PCDHGA1: variants seen among roughly 807,000 people sequenced by gnomAD.
PCDHGA1 encodes the protein protocadherin gamma-A1.
In PCDHGA1, 32 loss-of-function variants were observed where a neutral mutation model predicts 58.0. The observed-to-expected ratio is 0.55, with a 90% CI of 0.42 to 0.74. The LOEUF (loss-of-function observed/expected upper bound fraction) is 0.74. Among genes scored for constraint, PCDHGA1 ranks in the 30% least tolerant of loss-of-function variants. PCDHGA1 has a pLI of 0.00. For missense variants in PCDHGA1, 1,205 were observed against 1,182.3 expected, an observed-to-expected ratio of 1.02 and a Z score of -0.28; for synonymous variants, 498 against 501.1, an observed-to-expected ratio of 0.99 and a Z score of 0.08.
intron 1 of PCDHGA1, among the ~76,000 whole-genome samples, chr5:141,483,599 G>A (rs1419379218): frequency 6.6e-6 from 1 of 152,048 alleles, no homozygotes; most frequent in African/African-American, 2.4e-5. Flanking sequence ...GGTCAGGCTG[G>A]TTTACACCTC....
intron 1 of PCDHGA1, chr5:141,415,740 G>GTTTTTTTTTTTTTTTTTTT (rs57426385): frequency 1.1e-5 from 7 of 625,046 alleles, no homozygotes; most frequent in Admixed American, 7.1e-5. Context: ...GTTTATTAAG[G>GTTTTTTTTTTTTTTTTTTT]TTTTTTTTTT....
chr5:141,427,556 C>A (rs1022143090), intron 1 of PCDHGA1: 7 of 649,144 alleles, frequency 1.1e-5, no homozygotes, highest in African/African-American at 1.1e-4. Flanking sequence ...CTGCCACTGA[C>A]AAGGGCAAGC....
Position 141,493,022 on chromosome 5 carries a change from G to C in PCDHGA1, c.2422-1785G>C, listed in dbSNP as rs1184742888. On this transcript the variant is annotated intron_variant, in intron 1 of 3. Transcript: ENST00000517417. This position sits in a 1 kb window ranked among gnomAD's most constrained non-coding sequence, Gnocchi z 4.3. Reference sequence around the variant, plus strand: ...GCTATAGGCTCTGCCAGATGCCAGGGTGCCCTTATGTGTGAGGAAACTACA... The same window carrying C: ...GCTATAGGCTCTGCCAGATGCCAGGCTGCCCTTATGTGTGAGGAAACTACA... Among the ~76,000 whole-genome samples the C allele has an allele frequency of 6.6e-6, 1 of 152,222 alleles. No individual in the cohort carries two copies. Among genetic ancestry groups the C allele is most frequent in the Non-Finnish European group, 1.5e-5 (1 of 68,040 alleles).
intron 1 of PCDHGA1, chr5:141,426,347 T>C (rs977411941): frequency 5.2e-6 from 1 of 193,980 alleles, no homozygotes; most frequent in African/African-American, 2.3e-5. Context: ...TTCCCTTTCC[T>C]GCTGCCTTTG....
In PCDHGA1 at chr5:141,491,561, A is replaced by G. The variant is rs1289732955; in HGVS notation, c.2422-3246A>G. ...CCCACAGACTCGCAGAGCCACTGCT[A>G]CAGGACGTGCTTTTCACCGGCCTCG... On this transcript the variant is annotated intron_variant, in intron 1 of 3. Transcript: ENST00000517417. The surrounding 1 kb of genome is among the most constrained non-coding windows in gnomAD (Gnocchi z 6.9). The G allele has an allele frequency of 6.2e-7, 1 of 1,613,938 alleles. No homozygotes were observed. Among genetic ancestry groups the G allele is most frequent in the Non-Finnish European group, 8.5e-7 (1 of 1,180,018 alleles).
chr5:141,387,949 T>C lies in PCDHGA1; in HGVS notation c.2421+54844T>C, dbSNP rs1016295879. The C allele has an allele frequency of 1.6e-5, 24 of 1,491,992 alleles. No individual in the cohort carries two copies. Among genetic ancestry groups the C allele is most frequent in the Non-Finnish European group, 2.1e-5 (23 of 1,116,382 alleles). 92.4% of individuals were successfully genotyped at this position (1,491,992 alleles called of 1,614,324 possible). On this transcript the variant is annotated intron_variant, in intron 1 of 3. Transcript: ENST00000517417. ...CTGCCAGTGCTCTTTCTCTTCCTGC[T>C]GTCTTTGTTCTGCCCGGCGCTCTGT...
chr5:141,365,052 T>C (rs1179156267), intron 1 of PCDHGA1: 13 of 1,613,872 alleles, frequency 8.1e-6, no homozygotes, highest in Middle Eastern at 1.6e-4. Flanking sequence ...AATGCGCCCC[T>C]GTTCACCCCA....
At chr5:141,458,632 C>T (rs779075931) in intron 1 of PCDHGA1, among the ~76,000 whole-genome samples, 1 of 151,898 alleles carries the variant, frequency 6.6e-6, no homozygotes, top group Non-Finnish European at 1.5e-5. Context: ...TGCAGTGGCA[C>T]AATCCCAGCT....
chr5:141,417,975 A>C, intron 1 of PCDHGA1: 3 of 1,613,724 alleles, frequency 1.9e-6, no homozygotes, highest in Non-Finnish European at 2.5e-6. Context: ...TCGATTCCGG[A>C]GGAGCTGGCC....
rs773840884 is a variant in PCDHGA1 at position 141,372,185 on chromosome 5, C to G, written c.2421+39080C>G. 1.9e-6 allele frequency: 3 copies of G among 1,613,630 alleles called. No homozygotes were observed. The South Asian group carries it at 3.3e-5, about 18-fold the overall frequency. On this transcript the variant is annotated intron_variant, in intron 1 of 3. Coordinates refer to ENST00000517417, the MANE Select transcript of PCDHGA1 (RefSeq NM_018912.3). ...CCAAGGTGGTGGCGGTGGACGCAGA[C>G]TCGGGATACAACGCCTGGCTGTCCT...
At chr5:141,341,073 C>T in intron 1 of PCDHGA1, 1 of 1,614,220 alleles carries the variant, frequency 6.2e-7, no homozygotes, top group Non-Finnish European at 8.5e-7. Context: ...GCCGCGGTCT[C>T]CTGCGTCTTC....
intron 1 of PCDHGA1, among the ~76,000 whole-genome samples, chr5:141,483,553 C>G (rs955671854): frequency 2.0e-5 from 3 of 152,230 alleles, no homozygotes; most frequent in Admixed American, 2.0e-4. Context: ...CAGTGCCATT[C>G]ACAGAGACAG....
intron 1 of PCDHGA1, chr5:141,409,520 T>A (rs1177702875): frequency 6.2e-7 from 1 of 1,613,848 alleles, no homozygotes; most frequent in East Asian, 2.2e-5. Flanking sequence ...AAGCATCACC[T>A]TGTATGTCGC....
rs767715715 is a variant in PCDHGA1 at position 141,352,019 on chromosome 5, G to T, written c.2421+18914G>T. 7.5e-5 allele frequency: 121 copies of T among 1,609,570 alleles called. No homozygotes were observed. The highest frequency in any genetic ancestry group is 9.8e-5 in the Non-Finnish European group (115 of 1,179,182). ...AGAGCCCGGCTACCTGGTGACCAAGGTGGTGGCGGTGGACGCAGACTCAGG... is the reference window on the plus strand; with the variant it reads ...AGAGCCCGGCTACCTGGTGACCAAGTTGGTGGCGGTGGACGCAGACTCAGG... On this transcript the variant is annotated intron_variant, in intron 1 of 3. Transcript: ENST00000517417.
At chr5:141,420,817 A>G (rs547074952) in intron 1 of PCDHGA1, among the ~76,000 whole-genome samples, 2 of 152,354 alleles carry the variant, frequency 1.3e-5, no homozygotes, top group South Asian at 2.1e-4. Flanking sequence ...AGCCCTTTTA[A>G]TAATTACTCC....
Position 141,410,369 on chromosome 5 carries a change from A to T in PCDHGA1, c.2421+77264A>T, listed in dbSNP as rs754541017. Reference sequence around the variant, plus strand: ...CCTGCGACGCTCTCTCAGCCCTGCTACTTGGGACTGCTTCCATCCTGGTCT... The same window carrying T: ...CCTGCGACGCTCTCTCAGCCCTGCTTCTTGGGACTGCTTCCATCCTGGTCT... On this transcript the variant is annotated intron_variant, in intron 1 of 3. Coordinates refer to ENST00000517417, the MANE Select transcript of PCDHGA1 (RefSeq NM_018912.3). The T allele has an allele frequency of 5.6e-6, 9 of 1,613,836 alleles. No homozygotes were observed. The African/African-American group carries it at 1.2e-4, about 22-fold the overall frequency.
intron 1 of PCDHGA1, among the ~76,000 whole-genome samples, chr5:141,445,902 T>C (rs1022574381): frequency 3.9e-5 from 6 of 152,186 alleles, no homozygotes; most frequent in Non-Finnish European, 8.8e-5. Context: ...TTAAAATATT[T>C]TAAACAAGGC....
At position 141,476,311 on chromosome 5, in the gene PCDHGA1, G is replaced by C. The variant is rs772962568; in HGVS notation, c.2422-18496G>C. ...ATCTCGGTAGCCTCTCAGCCCGCAGGTTCCGGGTGGTGTCTGGAGCTAGCC... is the reference window on the plus strand; with the variant it reads ...ATCTCGGTAGCCTCTCAGCCCGCAGCTTCCGGGTGGTGTCTGGAGCTAGCC... On this transcript the variant is annotated intron_variant, in intron 1 of 3. Transcript: ENST00000517417. The surrounding 1 kb of genome is among the most constrained non-coding windows in gnomAD (Gnocchi z 7.6). 18 of 1,613,680 alleles carry C rather than the reference G, an allele frequency of 1.1e-5. No homozygotes were observed. Among genetic ancestry groups the C allele is most frequent in the African/African-American group, 2.7e-5 (2 of 74,766 alleles).
In PCDHGA1 at chr5:141,414,483, A is replaced by G. The variant is rs756254490; in HGVS notation, c.2422-80324A>G. 20 of 1,613,826 alleles carry G rather than the reference A, an allele frequency of 1.2e-5. No homozygotes were observed. In the Admixed American group the frequency reaches 1.8e-4, roughly 15 times the overall value. ...CCACAGATGGGGGAAGTCCTCCTCT[A>G]TCAACGGAAGCTCACTTTATGCTAC... On this transcript the variant is annotated intron_variant, in intron 1 of 3. Transcript: ENST00000517417.
Sources: allele counts gnomAD v4.1 joint callset (sites outside exome capture counted in the v4.1 genomes callset), GRCh38; gene constraint gnomAD v4.1.1; non-coding constraint Gnocchi (gnomAD v3.1); transcripts MANE v1.5; gene names NCBI Gene and HGNC (gene_info 2026-07-23, HGNC 2026-07-21).